Variants in PDE1C observed in about 807,000 individuals in gnomAD.
PDE1C encodes the protein phosphodiesterase 1C.
A neutral mutation model predicts 93.1 loss-of-function variants in PDE1C; 62 were observed. That is an observed-to-expected ratio of 0.67 (90% confidence interval 0.54 to 0.82). The LOEUF is 0.82. Among genes scored for constraint, PDE1C ranks in the 40% least tolerant of loss-of-function variants. PDE1C has a pLI of 0.00. For synonymous variants in PDE1C, 325 were observed against 310.1 expected (o/e 1.05, Z -0.50); for missense variants, 742 against 884.6 (o/e 0.84, Z 2.04).
chr7:31,864,796 T>G lies in PDE1C; in HGVS notation c.750+146A>C, dbSNP rs1229221369. The G allele has an allele frequency of 1.3e-5, 10 of 747,038 alleles. No individual in the cohort carries two copies. In the East Asian group the frequency reaches 2.2e-4, roughly 17 times the overall value. 46.3% of individuals were successfully genotyped at this position (747,038 alleles called of 1,614,324 possible). A position where few individuals can be genotyped will look rare whatever the true frequency, so the allele number is the denominator to read the frequency against. ...CAACGGAGAACTCCAAGACTTTCCA[T>G]ATTGGTTAGATTACTCCTGGGAAAC... On this transcript the variant is annotated intron_variant, in intron 7 of 17. Transcript: ENST00000396191.
chr7:32,350,092 GTTC>G (rs3079626), intron 1 of PDE1C, among the ~76,000 whole-genome samples: 3 of 151,976 alleles, frequency 2.0e-5, no homozygotes, highest in Admixed American at 6.5e-5. Flanking sequence ...TGTTGTTGTT[GTTC>G]TTCTTCTTCC....
chr7:32,046,516 C>T (rs182658204), intron 2 of PDE1C, among the ~76,000 whole-genome samples: 1 of 152,230 alleles, frequency 6.6e-6, no homozygotes, highest in Admixed American at 6.5e-5. Flanking sequence ...CTGTATCTCA[C>T]CTACAAGCCT....
the PDE1C span, among the ~76,000 whole-genome samples, chr7:31,622,949 A>C: frequency 1.3e-5 from 2 of 152,350 alleles, no homozygotes; most frequent in African/African-American, 4.8e-5. Context: ...ACAGAAATAC[A>C]AACTAGCATC....
At chr7:31,786,900 TCTATCTATCTATCTATC>T (rs1562791607) in intron 16 of PDE1C, 162 of 5,132 alleles carry the variant, frequency 0.032, no homozygotes, top group Non-Finnish European at 0.12. Flanking sequence ...ATATTATCTA[TCTATCTATCTATCTATC>T]TATCTATCTA....
intron 3 of PDE1C, among the ~76,000 whole-genome samples, chr7:31,879,609 C>T (rs1227450247): frequency 6.6e-6 from 1 of 152,198 alleles, no homozygotes; most frequent in Non-Finnish European, 1.5e-5. Flanking sequence ...GCAACCCAGT[C>T]CTCTGAAGTA....
At chr7:31,679,033 C>T in the PDE1C span, among the ~76,000 whole-genome samples, 1 of 152,152 alleles carries the variant, frequency 6.6e-6, no homozygotes, top group Non-Finnish European at 1.5e-5. Context: ...GTCTACGGCA[C>T]CAATCCATAT....
chr7:32,206,193 G>A (rs1805493335), intron 2 of PDE1C, among the ~76,000 whole-genome samples: 2 of 152,148 alleles, frequency 1.3e-5, no homozygotes, highest in Admixed American at 6.5e-5. Flanking sequence ...GCATGTAGGA[G>A]ACCTTTGAGG....
intron 2 of PDE1C, among the ~76,000 whole-genome samples, chr7:32,026,810 T>C (rs1178794789): frequency 6.6e-6 from 1 of 151,980 alleles, no homozygotes; most frequent in Non-Finnish European, 1.5e-5. Flanking sequence ...ATCTAGACAG[T>C]GGAAAATAAT....
At chr7:31,876,000 T>C (rs963540368) in intron 5 of PDE1C, among the ~76,000 whole-genome samples, 1 of 151,530 alleles carries the variant, frequency 6.6e-6, no homozygotes, top group Non-Finnish European at 1.5e-5. Context: ...TCTCAGTCTT[T>C]AGGGAAAATT....
chr7:31,810,688 C>T (rs1177578638), intron 15 of PDE1C, among the ~76,000 whole-genome samples: 3 of 151,984 alleles, frequency 2.0e-5, no homozygotes, highest in Non-Finnish European at 4.4e-5. Context: ...CATTTCATAC[C>T]CCACCCTGAA....
At chr7:32,189,282 A>T (rs531079077) in intron 2 of PDE1C, among the ~76,000 whole-genome samples, 1 of 152,220 alleles carries the variant, frequency 6.6e-6, no homozygotes, top group Non-Finnish European at 1.5e-5. Context: ...TTAGAACAAA[A>T]GCTTATCTGT....
At chr7:32,294,141 G>A (rs761685350) in intron 1 of PDE1C, among the ~76,000 whole-genome samples, 5 of 151,862 alleles carry the variant, frequency 3.3e-5, no homozygotes, top group Admixed American at 6.6e-5. Flanking sequence ...CTTAGCCTCC[G>A]TCCCCTGCTG....
chr7:32,392,389 C>A (rs867471484), intron 1 of PDE1C, among the ~76,000 whole-genome samples: 2 of 152,148 alleles, frequency 1.3e-5, no homozygotes, highest in Non-Finnish European at 2.9e-5. Context: ...CAATTCTTCA[C>A]ATAATTCTTC....
At chr7:32,155,111 G>C (rs1801492128) in intron 3 of PDE1C, among the ~76,000 whole-genome samples, 1 of 152,152 alleles carries the variant, frequency 6.6e-6, no homozygotes, top group Admixed American at 6.5e-5. Context: ...CTCACTGAAA[G>C]GCAAATCCAC....
At chr7:32,098,123 G>C (rs372268532) in intron 3 of PDE1C, among the ~76,000 whole-genome samples, 1 of 147,188 alleles carries the variant, frequency 6.8e-6, no homozygotes. Flanking sequence ...CCAGCTACTC[G>C]GGAGGCTGAG....
chr7:31,922,278 T>C (rs1415354718), intron 2 of PDE1C, among the ~76,000 whole-genome samples: 1 of 152,202 alleles, frequency 6.6e-6, no homozygotes. Flanking sequence ...ACTAATGGAA[T>C]TGAACTGTTA....
intron 3 of PDE1C, among the ~76,000 whole-genome samples, chr7:32,119,000 G>A (rs528808613): frequency 6.6e-6 from 1 of 152,256 alleles, no homozygotes; most frequent in East Asian, 1.9e-4. Flanking sequence ...GATAATGTGT[G>A]GGAGGGTGCC....
chr7:32,019,118 A>G (rs1788300467), intron 2 of PDE1C, among the ~76,000 whole-genome samples: 1 of 148,958 alleles, frequency 6.7e-6, no homozygotes, highest in Admixed American at 6.7e-5. Context: ...ATCCTTGAGT[A>G]GAGGGGCACC....
At chr7:32,118,324 T>C (rs1371836469) in intron 3 of PDE1C, among the ~76,000 whole-genome samples, 1 of 152,194 alleles carries the variant, frequency 6.6e-6, no homozygotes, top group Non-Finnish European at 1.5e-5. Context: ...GCTCTTTCTT[T>C]ACTGTTCAAG....
Sources: gnomAD v4.1 joint callset for allele counts (sites outside exome capture counted in the v4.1 genomes callset) on GRCh38, gnomAD v4.1.1 for gene constraint, MANE v1.5 for transcripts, NCBI Gene and HGNC (gene_info 2026-07-23, HGNC 2026-07-21) for gene names.